Variants in SLC9A6 observed in about 807,000 individuals in gnomAD.
SLC9A6 encodes the protein solute carrier family 9 member A6.
In SLC9A6, 6 loss-of-function variants were observed where a neutral mutation model predicts 45.3. The observed-to-expected ratio is 0.13, with a 90% CI of 0.07 to 0.26. SLC9A6 has a LOEUF of 0.26. Among genes scored for constraint, SLC9A6 ranks in the 10% least tolerant of loss-of-function variants. SLC9A6 has a pLI of 1.00. For synonymous variants in SLC9A6, 191 were observed against 187.7 expected (o/e 1.02, Z -0.14); for missense variants, 278 against 503.7 (o/e 0.55, Z 4.29).
In SLC9A6 at chrX:136,044,728, T is replaced by C; in HGVS notation, c.*4T>C. The C allele has an allele frequency of 3.3e-6, 4 of 1,209,361 alleles. No individual in the cohort carries two copies. The highest frequency in any genetic ancestry group is 4.5e-6 in the Non-Finnish European group (4 of 893,163). On this transcript the variant is annotated 3_prime_UTR_variant, in exon 18 of 18. Transcript: ENST00000630721. ...TACGAGACATGGTCCAGCCTAAGCT[T>C]ACTAATACTCACTTAGTGATTTGTA... is the stretch of plus-strand genomic sequence containing the variant.
At chrX:136,011,437 T>G (rs1232516767) in intron 8 of SLC9A6, among the ~76,000 whole-genome samples, 3 of 110,041 alleles carry the variant, frequency 2.7e-5, no homozygotes, top group African/African-American at 9.9e-5. Context: ...AGATGGGGTT[T>G]CATCATGTCG....
In SLC9A6 at chrX:136,033,423, G is replaced by T; in HGVS notation, c.1591G>T (p.Glu531Ter). 1 of 1,167,956 alleles carries T rather than the reference G, an allele frequency of 8.6e-7. No homozygotes were observed. Among genetic ancestry groups the T allele is most frequent in the South Asian group, 1.8e-5 (1 of 55,958 alleles). Residue 531 changes from glutamate (E) to a stop codon, truncating the protein, a stop_gained, in exon 16 of 18, where the codon GAA (glutamate) becomes TAA (stop). Coordinates refer to ENST00000630721, the MANE Select transcript of SLC9A6 (RefSeq NM_001379110.1). LOFTEE classifies it high-confidence loss of function. ...TATTATCTATCTGCAGGGTGTTCCT[G>T]AAAATGAAAGGAGAACTACCAAAGC... ...DSDQEHLGVP[E>*]NERRTTKAES... is the part of the protein sequence containing the mutation.
At chrX:136,028,161 G>T (rs1556620744) in intron 13 of SLC9A6, among the ~76,000 whole-genome samples, 1 of 112,284 alleles carries the variant, frequency 8.9e-6, no homozygotes, top group African/African-American at 3.2e-5. Flanking sequence ...TATAAGAGCT[G>T]CCACTTAGTG....
At chrX:135,981,726 T>A (rs1263329903), upstream of SLC9A6, among the ~76,000 whole-genome samples, 3 of 111,130 alleles carry the variant, frequency 2.7e-5, 1 homozygote, top group Admixed American at 2.9e-4. Flanking sequence ...GGAGGCAGGG[T>A]GTGTGGAGCA....
chrX:135,979,848 C>T (rs374573424), intron 1 of SLC9A6, among the ~76,000 whole-genome samples: 1 of 111,378 alleles, frequency 9.0e-6, no homozygotes, highest in African/African-American at 3.3e-5. Flanking sequence ...TCACTGCAGC[C>T]TCCACCTCCC....
At chrX:136,010,697 A>G (rs2070904781) in intron 8 of SLC9A6, 114 bp downstream of exon 8, 1 of 678,057 alleles carries the variant, frequency 1.5e-6, no homozygotes. Context: ...TATTAATCTT[A>G]TAACTAAGTA....
intron 16 of SLC9A6, among the ~76,000 whole-genome samples, chrX:136,038,390 T>C (rs2071446950): frequency 8.9e-6 from 1 of 112,367 alleles, no homozygotes; most frequent in African/African-American, 3.2e-5. Context: ...TGGAACAAAT[T>C]CCACTTGGTC....
chrX:136,036,015 G>C (rs1393940633), intron 16 of SLC9A6, among the ~76,000 whole-genome samples: 1 of 107,688 alleles, frequency 9.3e-6, no homozygotes, highest in Non-Finnish European at 1.9e-5. Flanking sequence ...ACCCACCTCA[G>C]CCTCCCAAAG....
At chrX:136,000,290 A>C (rs2089563209) in intron 6 of SLC9A6, among the ~76,000 whole-genome samples, 1 of 106,982 alleles carries the variant, frequency 9.3e-6, no homozygotes, top group African/African-American at 3.4e-5. Flanking sequence ...AAGATTTTAA[A>C]GGATTAGTTA....
At position 135,985,733 on chromosome X, in the gene SLC9A6, C is replaced by T. The variant is rs977361236; in HGVS notation, c.75C>T (p.Phe25=). 2.5e-6 allele frequency: 3 copies of T among 1,210,011 alleles called. No individual in the cohort carries two copies. The highest frequency in any genetic ancestry group is 3.5e-5 in the African/African-American group (2 of 57,208). The change falls in exon 2 of 18, where the codon TTC becomes TTT. Residue 25 remains phenylalanine (F), a synonymous_variant. Transcript: ENST00000630721. ...HRQDSANLLI[F]ILLLTLTILT... ...AGGACAGCGCCAACCTGCTCATCTTCATCCTGCTGCTCACCCTCACCATTC... is the reference window on the plus strand; with the variant it reads ...AGGACAGCGCCAACCTGCTCATCTTTATCCTGCTGCTCACCCTCACCATTC...
intron 13 of SLC9A6, among the ~76,000 whole-genome samples, chrX:136,026,010 A>C (rs1286490726): frequency 8.9e-6 from 1 of 111,813 alleles, no homozygotes; most frequent in Admixed American, 9.5e-5. Context: ...AAACGTACCT[A>C]CTCACACAAA....
chrX:135,980,596 G>C (rs1443303513), upstream of SLC9A6, among the ~76,000 whole-genome samples: 3 of 111,407 alleles, frequency 2.7e-5, no homozygotes, highest in African/African-American at 9.8e-5. Context: ...TCACTCTGTT[G>C]TCTAGGCTGG....
upstream of SLC9A6, among the ~76,000 whole-genome samples, chrX:135,982,186 C>T (rs1183393192): frequency 9.0e-6 from 1 of 111,232 alleles, no homozygotes. Context: ...TTGATAATCC[C>T]TGGACTATCC....
intron 7 of SLC9A6, among the ~76,000 whole-genome samples, chrX:136,007,697 T>C (rs995645997): frequency 4.5e-5 from 5 of 111,641 alleles, no homozygotes; most frequent in Non-Finnish European, 1.9e-5. Flanking sequence ...TACTTTTCTG[T>C]AGCTTTTTTA....
chrX:136,002,388 G>C (rs1323316083), intron 7 of SLC9A6, among the ~76,000 whole-genome samples, 175 bp downstream of exon 7: 1 of 111,439 alleles, frequency 9.0e-6, no homozygotes, highest in African/African-American at 3.3e-5. Context: ...ACAGGGAAGA[G>C]AAAAATATGT....
Position 136,010,377 on chromosome X carries a change from A to T in SLC9A6, c.744-65A>T, listed in dbSNP as rs1368508335. 5.4e-6 allele frequency: 6 copies of T among 1,118,812 alleles called. No individual in the cohort carries two copies. In the African/African-American group the frequency reaches 1.1e-4, roughly 20 times the overall value. The allele number at this position is 1,118,812 out of a possible 1,213,427, so 92.2% of individuals were successfully genotyped here. A position where few individuals can be genotyped will look rare whatever the true frequency, so the allele number is the denominator to read the frequency against. ...TCTAATTTCATCTTTCAAGCTCTATACTACATAATGTTTTTTTAAAAGTAA... is the reference window on the plus strand; with the variant it reads ...TCTAATTTCATCTTTCAAGCTCTATTCTACATAATGTTTTTTTAAAAGTAA... On this transcript the variant is annotated intron_variant, in intron 7 of 17. Transcript: ENST00000630721.
chrX:135,974,351 C>T (rs1383060966), upstream of SLC9A6, among the ~76,000 whole-genome samples: 106 of 12,797 alleles, frequency 8.3e-3, 2 homozygotes, highest in South Asian at 0.14. Flanking sequence ...ATGGGTGGGG[C>T]GTAGGGGGCG....
At chrX:136,035,493 A>G (rs2071398136) in intron 16 of SLC9A6, among the ~76,000 whole-genome samples, 1 of 111,785 alleles carries the variant, frequency 8.9e-6, no homozygotes, top group African/African-American at 3.3e-5. Flanking sequence ...CTATTGTTTC[A>G]TGTAACAGCA....
upstream of SLC9A6, chrX:135,985,415 G>A (rs1556614652): frequency 1.4e-5 from 9 of 623,928 alleles, no homozygotes; most frequent in South Asian, 4.7e-4. Context: ...GGCTACCCCC[G>A]GGCCCCGCCC....
Sources: gnomAD v4.1 joint callset for allele counts (sites outside exome capture counted in the v4.1 genomes callset) on GRCh38, gnomAD v4.1.1 for gene constraint, MANE v1.5 for transcripts, NCBI Gene and HGNC (gene_info 2026-07-23, HGNC 2026-07-21) for gene names.